Variants in TNS3 observed in about 807,000 individuals in gnomAD.
The protein encoded by TNS3 is tensin-3.
TNS3 carries 45 observed loss-of-function variants against 140.9 expected under a neutral mutation model. The ratio of observed to expected loss-of-function variants is 0.32; its 90% CI spans 0.25 to 0.41. The LOEUF (loss-of-function observed/expected upper bound fraction) is 0.41, where lower values mean the gene tolerates loss of function less well. Ranked by LOEUF, TNS3 falls within the 10% of genes least tolerant of loss-of-function variation. The pLI, the probability that TNS3 is intolerant of heterozygous loss-of-function variation, is 1.00. For missense variants in TNS3, 1,716 were observed against 1,906.7 expected (o/e 0.90, Z 1.86); for synonymous variants, 815 against 788.4 (o/e 1.03, Z -0.56).
intron 24 of TNS3, among the ~76,000 whole-genome samples, chr7:47,296,306 TG>T (rs1469722488): frequency 6.6e-6 from 1 of 152,110 alleles, no homozygotes; most frequent in Non-Finnish European, 1.5e-5. Flanking sequence ...ATATGATTGG[TG>T]GATGCTGGTG....
intron 2 of TNS3, among the ~76,000 whole-genome samples, chr7:47,507,573 G>C (rs1057290838): frequency 3.9e-5 from 6 of 152,126 alleles, no homozygotes; most frequent in Admixed American, 3.9e-4. Context: ...TTGTGTGAAC[G>C]GAGCGAGTCC....
chr7:47,539,015 G>A (rs1490664555), intron 1 of TNS3: 11 of 456,444 alleles, frequency 2.4e-5, no homozygotes, highest in Admixed American at 1.2e-4. Flanking sequence ...ATATGCTGCT[G>A]TCATGGTTTA....
chr7:47,419,838 G>A (rs1794277714), intron 10 of TNS3, among the ~76,000 whole-genome samples: 2 of 151,724 alleles, frequency 1.3e-5, no homozygotes, highest in African/African-American at 4.8e-5. Context: ...TTTCCCCTAT[G>A]ATTGCACCCC....
At position 47,417,930 on chromosome 7, in the gene TNS3, A is replaced by G. The variant is rs188181765; in HGVS notation, c.474-2724T>C. ...ATAGCCAACGTAGGTAATAGCACTG[A>G]GTTTGTGAGTGACTTCTTAGAGAAC... is the stretch of plus-strand genomic sequence containing the variant. On this transcript the variant is annotated intron_variant, in intron 10 of 30. Transcript: ENST00000311160. Among the ~76,000 whole-genome samples, 9 of 152,344 alleles carry G rather than the reference A, an allele frequency of 5.9e-5. No individual in the cohort carries two copies. In the East Asian group the frequency reaches 1.5e-3, roughly 26 times the overall value.
chr7:47,362,906 TCAA>T (rs1336969812), intron 17 of TNS3, among the ~76,000 whole-genome samples: 1 of 108,100 alleles, frequency 9.3e-6, no homozygotes, highest in Non-Finnish European at 1.9e-5. Context: ...ATCACCACCA[TCAA>T]CATCACCATT....
chr7:47,419,220 G>A (rs1794243597), intron 10 of TNS3, among the ~76,000 whole-genome samples: 1 of 152,252 alleles, frequency 6.6e-6, no homozygotes, highest in Non-Finnish European at 1.5e-5. Flanking sequence ...TGCTGCCAGA[G>A]TGTAGGTGGC....
rs747142509 is a variant in TNS3 at position 47,303,414 on chromosome 7, T to C, written c.2993A>G (p.His998Arg). Residue 998 changes from histidine to arginine, a missense_variant, in exon 22 of 31, where the codon CAC becomes CGC. His to Arg is a conservative substitution (Grantham distance 29). Coordinates refer to ENST00000311160, the MANE Select transcript of TNS3 (RefSeq NM_022748.12). Reference sequence around the variant, plus strand: ...CTCTGCTAGGGACAGCTCATGGCTGTGGAAAGGAGCCTGGAGCTCTGACGG... The same window carrying C: ...CTCTGCTAGGGACAGCTCATGGCTGCGGAAAGGAGCCTGGAGCTCTGACGG... Reference protein sequence around the residue: ...FPPSELQAPFHSHELSLAEPP... With the variant: ...FPPSELQAPFRSHELSLAEPP... 14 of 1,613,498 alleles carry C rather than the reference T, an allele frequency of 8.7e-6. No individual in the cohort carries two copies. Among genetic ancestry groups the C allele is most frequent in the Non-Finnish European group, 1.2e-5 (14 of 1,179,994 alleles).
At chr7:47,300,762 TG>T (rs1388052503) in intron 23 of TNS3, among the ~76,000 whole-genome samples, 1 of 152,166 alleles carries the variant, frequency 6.6e-6, no homozygotes, top group Non-Finnish European at 1.5e-5. Flanking sequence ...GCCGAGGCAC[TG>T]GGGGCCACAG....
intron 20 of TNS3, among the ~76,000 whole-genome samples, chr7:47,334,837 G>C (rs971243288): frequency 6.6e-6 from 1 of 152,032 alleles, no homozygotes; most frequent in South Asian, 2.1e-4. Flanking sequence ...TCTATCTCTT[G>C]ACCTCATGAT....
chr7:47,314,479 C>T (rs922857003), intron 20 of TNS3, among the ~76,000 whole-genome samples: 1 of 152,192 alleles, frequency 6.6e-6, no homozygotes, highest in Non-Finnish European at 1.5e-5. Flanking sequence ...CACCAAAAAT[C>T]GTATAGTCAA....
chr7:47,372,362 T>TA (rs199835178), intron 16 of TNS3, among the ~76,000 whole-genome samples: 3,318 of 152,046 alleles, frequency 0.022, 136 homozygotes, highest in African/African-American at 0.076. Flanking sequence ...CACAATGACT[T>TA]AAAAAAAAGC....
Position 47,385,636 on chromosome 7 carries a change from G to A in TNS3, c.1024+11164C>T, listed in dbSNP as rs536635186. ...CCCAGGTGACCTATTGGAATCCTCC[G>A]ATTTATGATTAACAAGAGAGCAATA... On this transcript the variant is annotated intron_variant, in intron 16 of 30. Transcript: ENST00000311160. 5.3e-5 allele frequency among the ~76,000 whole-genome samples: 8 copies of A among 152,306 alleles called. No individual in the cohort carries two copies. In the South Asian group the frequency reaches 6.2e-4, roughly 12 times the overall value.
At chr7:47,313,074 G>A (rs1037259022) in intron 20 of TNS3, among the ~76,000 whole-genome samples, 5 of 152,136 alleles carry the variant, frequency 3.3e-5, no homozygotes, top group Admixed American at 2.6e-4. Context: ...CATGTGAGGT[G>A]CAGCTCTTGA....
At chr7:47,323,024 C>A (rs1787835777) in intron 20 of TNS3, among the ~76,000 whole-genome samples, 1 of 152,176 alleles carries the variant, frequency 6.6e-6, no homozygotes, top group Admixed American at 6.5e-5. Context: ...ATGGTAGGCA[C>A]CCCGTCTCCA....
At chr7:47,526,878 G>A (rs899884772) in intron 2 of TNS3, among the ~76,000 whole-genome samples, 2 of 152,170 alleles carry the variant, frequency 1.3e-5, no homozygotes, top group African/African-American at 4.8e-5. Flanking sequence ...ATTCAACCAC[G>A]ACTTTCCTTT....
At chr7:47,530,838 A>AAAAAAAAAAAT in intron 1 of TNS3, among the ~76,000 whole-genome samples, 1 of 54,566 alleles carries the variant, frequency 1.8e-5, no homozygotes, top group African/African-American at 7.9e-5. Context: ...AAAAAAAAAA[A>AAAAAAAAAAAT]ATATATATAT....
intron 24 of TNS3, among the ~76,000 whole-genome samples, chr7:47,295,085 G>A (rs1304532400): frequency 6.6e-6 from 1 of 152,098 alleles, no homozygotes; most frequent in Non-Finnish European, 1.5e-5. Flanking sequence ...GTCAAATCCA[G>A]GGACAAGATG....
At chr7:47,580,264 C>T (rs1435011895) in intron 1 of TNS3, among the ~76,000 whole-genome samples, 2 of 152,176 alleles carry the variant, frequency 1.3e-5, no homozygotes, top group Non-Finnish European at 2.9e-5. Flanking sequence ...CATTTCATCT[C>T]GGCCAAGTTA....
At chr7:47,572,467 A>G (rs1027321028) in intron 1 of TNS3, among the ~76,000 whole-genome samples, 3 of 151,590 alleles carry the variant, frequency 2.0e-5, no homozygotes, top group Admixed American at 6.6e-5. Flanking sequence ...ACACCATTCC[A>G]GTTGTCGCAA....
Sources: gnomAD v4.1 joint callset for allele counts (sites outside exome capture counted in the v4.1 genomes callset) on GRCh38, gnomAD v4.1.1 for gene constraint, MANE v1.5 for transcripts, NCBI Gene and HGNC (gene_info 2026-07-23, HGNC 2026-07-21) for gene names.